Variants in TTC9 observed in about 807,000 individuals in gnomAD.
The protein encoded by TTC9 is tetratricopeptide repeat protein 9A.
TTC9 carries 13 observed loss-of-function variants against 22.9 expected under a neutral mutation model. The observed-to-expected ratio is 0.57, with a 90% CI of 0.37 to 0.90. TTC9 has a LOEUF of 0.90. Ranked by LOEUF, TTC9 falls within the 40% of genes least tolerant of loss-of-function variation. The pLI is 0.01. For missense variants in TTC9, 280 were observed against 291.8 expected (o/e 0.96, Z 0.29); for synonymous variants, 148 against 133.2 (o/e 1.11, Z -0.77).
chr14:70,648,135 T>C (rs1885929685), intron 1 of TTC9, among the ~76,000 whole-genome samples: 1 of 152,200 alleles, frequency 6.6e-6, no homozygotes, highest in South Asian at 2.1e-4. Flanking sequence ...AATATAGGCC[T>C]CATGTCAAGA....
chr14:70,667,579 C>G lies in TTC9; in HGVS notation c.422C>G (p.Ala141Gly). 1 of 1,614,018 alleles carries G rather than the reference C, an allele frequency of 6.2e-7. No individual in the cohort carries two copies. Among genetic ancestry groups the G allele is most frequent in the Admixed American group, 1.7e-5 (1 of 60,028 alleles). Residue 141 changes from alanine to glycine, a missense_variant, in exon 2 of 3, where the codon GCT becomes GGT. Physicochemically the swap from Ala to Gly is moderately conservative, Grantham distance 60. Coordinates refer to ENST00000256367, the MANE Select transcript of TTC9 (RefSeq NM_015351.2). ...TCCTCCATAGCCTGCCTGCTCCAGG[C>G]TGAGCTGGTAAACTATGAACGAGTC... Reference protein sequence around the residue: ...YNSLAACLLQAELVNYERVKE... With the variant: ...YNSLAACLLQGELVNYERVKE...
intron 1 of TTC9, among the ~76,000 whole-genome samples, chr14:70,650,123 C>T (rs958034054): frequency 1.3e-5 from 2 of 152,114 alleles, no homozygotes; most frequent in Non-Finnish European, 2.9e-5. Context: ...GAGTTCATTT[C>T]AGCCATTAAA....
At chr14:70,650,869 G>A (rs1285181438) in intron 1 of TTC9, among the ~76,000 whole-genome samples, 1 of 152,186 alleles carries the variant, frequency 6.6e-6, no homozygotes. Context: ...ATATATGCTA[G>A]TACAGTGTTC....
chr14:70,666,461 C>G (rs1886217883), intron 1 of TTC9, among the ~76,000 whole-genome samples: 1 of 152,162 alleles, frequency 6.6e-6, no homozygotes, highest in Non-Finnish European at 1.5e-5. Context: ...TGAAAGGGAA[C>G]TTGAGGGAAG....
At chr14:70,651,483 A>T (rs2139641821) in intron 1 of TTC9, among the ~76,000 whole-genome samples, 2 of 152,214 alleles carry the variant, frequency 1.3e-5, no homozygotes, top group Middle Eastern at 3.4e-3. Flanking sequence ...CCCTGTCTAT[A>T]CTTGTCAAGC....
At chr14:70,664,742 A>G (rs1286825085) in intron 1 of TTC9, among the ~76,000 whole-genome samples, 2 of 151,006 alleles carry the variant, frequency 1.3e-5, no homozygotes, top group African/African-American at 4.9e-5. Flanking sequence ...AAAAAAAAAA[A>G]AAGAGTCCTG....
At chr14:70,647,516 T>C (rs779830964) in intron 1 of TTC9, among the ~76,000 whole-genome samples, 1 of 152,208 alleles carries the variant, frequency 6.6e-6, no homozygotes, top group African/African-American at 2.4e-5. Context: ...TTTTTGTCCA[T>C]GTTTGAAGCC....
chr14:70,669,939 A>G (rs578001772), intron 2 of TTC9, among the ~76,000 whole-genome samples: 6 of 152,340 alleles, frequency 3.9e-5, no homozygotes, highest in South Asian at 4.1e-4. Flanking sequence ...GTTCCCTGCC[A>G]TGCCATCCTC....
At chr14:70,647,853 C>A (rs923007189) in intron 1 of TTC9, among the ~76,000 whole-genome samples, 40 of 152,290 alleles carry the variant, frequency 2.6e-4, no homozygotes, top group African/African-American at 9.6e-4. Context: ...GGGCTCTATG[C>A]AACAGCACAA....
chr14:70,645,731 C>T (rs1352772139), intron 1 of TTC9, among the ~76,000 whole-genome samples: 2 of 152,186 alleles, frequency 1.3e-5, no homozygotes, highest in Admixed American at 6.5e-5. Context: ...ACCAGGTCTG[C>T]AGCACCAGCT....
Position 70,671,197 on chromosome 14 carries a change from A to G in TTC9, c.*42A>G. On this transcript the variant is annotated 3_prime_UTR_variant, in exon 3 of 3. Transcript: ENST00000256367. ...GAGCTGCGCCCACGCCTGACCGGGG[A>G]CTTCCAGGCATCCCCTGGCAGAGAG... 6.5e-7 allele frequency: 1 copy of G among 1,548,116 alleles called. No individual in the cohort carries two copies. The highest frequency in any genetic ancestry group is 1.1e-5 in the South Asian group (1 of 89,216).
At chr14:70,653,289 T>C (rs543690987) in intron 1 of TTC9, among the ~76,000 whole-genome samples, 3 of 152,174 alleles carry the variant, frequency 2.0e-5, no homozygotes, top group Admixed American at 2.0e-4. Context: ...AAGAAGGCTA[T>C]GGGGAAACAC....
At chr14:70,662,089 GAAGACCCA>G (rs1471536054) in intron 1 of TTC9, among the ~76,000 whole-genome samples, 13 of 152,160 alleles carry the variant, frequency 8.5e-5, no homozygotes, top group Non-Finnish European at 1.2e-4. Context: ...AGCCTTTTCA[GAAGACCCA>G]AAGGCCAGAA....
intron 1 of TTC9, among the ~76,000 whole-genome samples, chr14:70,646,655 G>A (rs888724686): frequency 6.6e-6 from 1 of 152,198 alleles, no homozygotes; most frequent in African/African-American, 2.4e-5. Context: ...TGTGACCTTG[G>A]ATAAGCCCCT....
chr14:70,654,455 G>A (rs1357101414), intron 1 of TTC9, among the ~76,000 whole-genome samples: 1 of 151,456 alleles, frequency 6.6e-6, no homozygotes, highest in Non-Finnish European at 1.5e-5. Flanking sequence ...GCCGGGCGTG[G>A]CGGTATATGC....
At chr14:70,669,481 A>G (rs894579089) in intron 2 of TTC9, among the ~76,000 whole-genome samples, 1 of 150,888 alleles carries the variant, frequency 6.6e-6, no homozygotes, top group African/African-American at 2.4e-5. Context: ...AAGTCTTGCT[A>G]TGTTGCCAGG....
chr14:70,656,459 A>T (rs1886069087), intron 1 of TTC9, among the ~76,000 whole-genome samples: 1 of 152,250 alleles, frequency 6.6e-6, no homozygotes, highest in Admixed American at 6.5e-5. Flanking sequence ...ATTACAGCAC[A>T]ATGCTGCCAA....
At chr14:70,656,129 A>G (rs1197348397) in intron 1 of TTC9, among the ~76,000 whole-genome samples, 1 of 152,028 alleles carries the variant, frequency 6.6e-6, no homozygotes, top group African/African-American at 2.4e-5. Flanking sequence ...ATTCCTTTAA[A>G]CTCTGCTATA....
chr14:70,642,635 G>C (rs3742851), intron 1 of TTC9, 100 bp downstream of exon 1: 158,645 of 1,186,504 alleles, frequency 0.13, 11,239 homozygotes, highest in Middle Eastern at 0.15. Context: ...CTCCTGCTGT[G>C]ACTGTGTTGC....
Sources: allele counts gnomAD v4.1 joint callset (sites outside exome capture counted in the v4.1 genomes callset), GRCh38; gene constraint gnomAD v4.1.1; transcripts MANE v1.5; gene names NCBI Gene and HGNC (gene_info 2026-07-23, HGNC 2026-07-21).